DDX47: variants seen among roughly 807,000 people sequenced by gnomAD.
The protein encoded by DDX47 is DEAD-box helicase 47, also known as probable ATP-dependent RNA helicase DDX47.
In DDX47, 60 loss-of-function variants were observed where a neutral mutation model predicts 58.8. That is an observed-to-expected ratio of 1.02 (90% confidence interval 0.83 to 1.26). DDX47 has a LOEUF of 1.26. DDX47 is among the 50% of genes most tolerant of loss of function. The pLI is 0.00. For synonymous variants in DDX47, 197 were observed against 204.6 expected (o/e 0.96, Z 0.32); for missense variants, 530 against 573.2 (o/e 0.92, Z 0.77).
rs779146593 is a variant in DDX47 at position 12,824,032 on chromosome 12, C to T, written c.897+16C>T. On this transcript the variant is annotated intron_variant, in intron 8 of 11. Coordinates refer to ENST00000358007, the MANE Select transcript of DDX47 (RefSeq NM_016355.4). ...AATGAGTCAGGTAAGGATTCATCAT[C>T]ATCATCAGCCATGCACTGGTGGCGT... 1.9e-6 allele frequency: 3 copies of T among 1,611,338 alleles called. No homozygotes were observed. The highest frequency in any genetic ancestry group is 2.5e-6 in the Non-Finnish European group (3 of 1,178,890).
chr12:12,825,352 GGTT>G (rs1172241688), intron 9 of DDX47, among the ~76,000 whole-genome samples: 1 of 152,118 alleles, frequency 6.6e-6, no homozygotes, highest in East Asian at 1.9e-4. Context: ...TTGTTGTGGG[GGTT>G]GTTCTTTGAG....
chr12:12,827,080 G>A (rs1301325364), intron 10 of DDX47, among the ~76,000 whole-genome samples, 166 bp from the exon 11 acceptor site: 1 of 152,166 alleles, frequency 6.6e-6, no homozygotes, highest in African/African-American at 2.4e-5. Context: ...TTTCTAATGG[G>A]CTATGCACAG....
At chr12:12,818,438 A>G (rs904685474) in intron 2 of DDX47, among the ~76,000 whole-genome samples, 37 of 152,064 alleles carry the variant, frequency 2.4e-4, no homozygotes, top group African/African-American at 7.5e-4. Context: ...GGGGAATGGC[A>G]TGAACCCAGG....
Position 12,826,013 on chromosome 12 carries a change from G to A in DDX47, c.1049G>A (p.Arg350Gln), listed in dbSNP as rs1293685025. ...IPTHSKDYIH[R>Q]VGRTARAGRS... ...TTTTTGTTTTAGGATTACATCCATC[G>A]AGTAGGTCGAACAGCTAGAGCTGGG... Residue 350 changes from arginine to glutamine, a missense_variant, in exon 10 of 12, where the codon CGA becomes CAA. Physicochemically the swap from Arg to Gln is conservative, Grantham distance 43. Coordinates refer to ENST00000358007, the MANE Select transcript of DDX47 (RefSeq NM_016355.4). The A allele has an allele frequency of 4.3e-6, 7 of 1,612,344 alleles. No individual in the cohort carries two copies. In the East Asian group the frequency reaches 6.7e-5, roughly 15 times the overall value.
intron 2 of DDX47, chr12:12,814,773 C>T (rs1862872249): frequency 6.6e-6 from 1 of 152,408 alleles, no homozygotes; most frequent in African/African-American, 2.4e-5. Context: ...CCTCTGCCTT[C>T]CAGGTTCAAG....
intron 8 of DDX47, 71 bp from the exon 9 acceptor site, chr12:12,824,469 T>G: frequency 6.6e-7 from 1 of 1,519,456 alleles, no homozygotes; most frequent in Non-Finnish European, 8.9e-7. Flanking sequence ...TGTTCTCGTG[T>G]TTGTCTATTT....
intron 2 of DDX47, among the ~76,000 whole-genome samples, chr12:12,818,401 G>A (rs2136420093): frequency 6.6e-6 from 1 of 152,154 alleles, no homozygotes; most frequent in South Asian, 2.1e-4. Flanking sequence ...GGCACCTGTA[G>A]TCCCAGCTAC....
chr12:12,814,131 G>T lies in DDX47; in HGVS notation c.88G>T (p.Gly30Cys). Reference sequence around the variant, plus strand: ...AAGGTATATTTTTCTGAATTCCAAGGGTGTGACAGATGTGTTGTGTGAAGC... The same window carrying T: ...AAGGTATATTTTTCTGAATTCCAAGTGTGTGACAGATGTGTTGTGTGAAGC... ...EEETKTFKDL[G>C]VTDVLCEACD... is the part of the protein sequence containing the mutation. Residue 30 changes from glycine (G) to cysteine (C), a missense_variant and splice_region_variant, in exon 2 of 12, where the codon GGT (glycine) becomes TGT (cysteine). Physicochemically the swap from Gly to Cys is radical, Grantham distance 159. Transcript: ENST00000358007. 6.2e-7 allele frequency: 1 copy of T among 1,610,652 alleles called. No homozygotes were observed.
chr12:12,817,859 G>A (rs1329162791), intron 2 of DDX47, among the ~76,000 whole-genome samples: 1 of 152,124 alleles, frequency 6.6e-6, no homozygotes, highest in African/African-American at 2.4e-5. Flanking sequence ...CTCAGCTGTA[G>A]GCAGTGAGCA....
chr12:12,820,881 T>G (rs7960210), intron 2 of DDX47: 228,791 of 310,532 alleles, frequency 0.74, 85,754 homozygotes, highest in African/African-American at 0.91. Flanking sequence ...TTACTTCCAG[T>G]TTTAACTCAC....
chr12:12,827,575 C>T lies in DDX47; in HGVS notation c.1236+200C>T, dbSNP rs184084534. ...AAATGGTTGAATCAAGGTTTGGCCT[C>T]ATTCTGACATTCACACATTCACAGC... On this transcript the variant is annotated intron_variant, in intron 11 of 11. Coordinates refer to ENST00000358007, the MANE Select transcript of DDX47 (RefSeq NM_016355.4). 5.9e-5 allele frequency among the ~76,000 whole-genome samples: 9 copies of T among 152,336 alleles called. No homozygotes were observed. The East Asian group carries it at 1.7e-3, about 29-fold the overall frequency.
intron 2 of DDX47, chr12:12,814,425 T>A (rs1407107810): frequency 2.0e-6 from 1 of 499,708 alleles, no homozygotes; most frequent in African/African-American, 1.9e-5. Flanking sequence ...GGGTTTGTTC[T>A]CTGCCACAGA....
intron 2 of DDX47, among the ~76,000 whole-genome samples, chr12:12,816,275 ATC>A (rs1436495920): frequency 6.6e-6 from 1 of 152,202 alleles, no homozygotes; most frequent in Non-Finnish European, 1.5e-5. Context: ...AGTTCTGAAG[ATC>A]TATTGAATAG....
intron 2 of DDX47, among the ~76,000 whole-genome samples, chr12:12,819,101 C>T (rs898542482): frequency 2.0e-5 from 3 of 152,118 alleles, no homozygotes; most frequent in African/African-American, 4.8e-5. Context: ...TGACATTGAA[C>T]GCCACTGATC....
Position 12,822,052 on chromosome 12 carries a change from A to T in DDX47, c.530A>T (p.Asp177Val), listed in dbSNP as rs1033312305. Residue 177 changes from aspartate to valine, a missense_variant, in exon 5 of 12, where the codon GAC (aspartate) becomes GTC (valine). Physicochemically the swap from Asp to Val is radical, Grantham distance 152. Transcript: ENST00000358007. ...ALKYLVMDEADRILNMDFETE... is the reference protein window; with the variant it reads ...ALKYLVMDEAVRILNMDFETE... ...AAATACTTGGTCATGGATGAAGCCGACCGAATACTGAATATGGATTTTGAG... is the reference window on the plus strand; with the variant it reads ...AAATACTTGGTCATGGATGAAGCCGTCCGAATACTGAATATGGATTTTGAG... 3.1e-6 allele frequency: 5 copies of T among 1,613,518 alleles called. No individual in the cohort carries two copies. The African/African-American group carries it at 6.7e-5, about 22-fold the overall frequency.
rs1049749034 is a variant in DDX47 at position 12,821,924 on chromosome 12, G to A, written c.443-41G>A. ...ATTTGTTTTGTTTTTTTTTTGTCCT[G>A]TTCTGAAATGTCACTGTTTCTCCTC... On this transcript the variant is annotated intron_variant, in intron 4 of 11. Coordinates refer to ENST00000358007, the MANE Select transcript of DDX47 (RefSeq NM_016355.4). 4.5e-6 allele frequency: 6 copies of A among 1,333,492 alleles called. No individual in the cohort carries two copies. The African/African-American group carries it at 8.8e-5, about 20-fold the overall frequency. 82.6% of individuals were successfully genotyped at this position (1,333,492 alleles called of 1,614,324 possible).
chr12:12,814,446 A>G (rs1426123880), intron 2 of DDX47: 1 of 468,428 alleles, frequency 2.1e-6, no homozygotes, highest in Non-Finnish European at 3.9e-6. Flanking sequence ...TGCTGACTTT[A>G]AGGAAGCCCT....
At chr12:12,822,286 C>T (rs985510761) in intron 5 of DDX47, among the ~76,000 whole-genome samples, 9 of 152,076 alleles carry the variant, frequency 5.9e-5, no homozygotes, top group African/African-American at 9.7e-5. Context: ...ATATCAAAAC[C>T]GGATTTTCTT....
chr12:12,816,536 T>C (rs1375332701), intron 2 of DDX47, among the ~76,000 whole-genome samples: 1 of 152,144 alleles, frequency 6.6e-6, no homozygotes, highest in Non-Finnish European at 1.5e-5. Context: ...AATCCTGGGA[T>C]TGGAACTTGA....
Sources: allele counts gnomAD v4.1 joint callset (sites outside exome capture counted in the v4.1 genomes callset), GRCh38; gene constraint gnomAD v4.1.1; transcripts MANE v1.5; gene names NCBI Gene and HGNC (gene_info 2026-07-23, HGNC 2026-07-21).